VWA8: variants seen among roughly 807,000 people sequenced by gnomAD.
VWA8 encodes von Willebrand factor A domain-containing protein 8.
VWA8 carries 221 observed loss-of-function variants against 241.5 expected under a neutral mutation model. The ratio of observed to expected loss-of-function variants is 0.91; its 90% CI spans 0.82 to 1.02. The LOEUF is 1.02. Ranked by LOEUF, VWA8 falls within the 50% of genes least tolerant of loss-of-function variation. The pLI, the probability that VWA8 is intolerant of heterozygous loss-of-function variation, is 0.00. For missense variants in VWA8, 2,322 were observed against 2,328.7 expected (o/e 1.00, Z 0.06); for synonymous variants, 852 against 827.1 (o/e 1.03, Z -0.52).
At chr13:41,953,866 A>G (rs575392015) in intron 1 of VWA8, among the ~76,000 whole-genome samples, 2 of 152,184 alleles carry the variant, frequency 1.3e-5, no homozygotes, top group Non-Finnish European at 2.9e-5. Flanking sequence ...ATGTTTTCTT[A>G]CCACAGTGGA....
Position 41,680,782 on chromosome 13 carries a change from T to A in VWA8, c.4327+4265A>T, listed in dbSNP as rs56100366. ...AGACTCAACATATACACAAGCAGACTGGTGCAAGGCTATTCATAGCACCAT... is the reference window on the plus strand; with the variant it reads ...AGACTCAACATATACACAAGCAGACAGGTGCAAGGCTATTCATAGCACCAT... On this transcript the variant is annotated intron_variant, in intron 35 of 44. Transcript: ENST00000379310. Among the ~76,000 whole-genome samples the A allele has an allele frequency of 4.8e-3, 735 of 152,312 alleles. 3 individuals are homozygous for A. The highest frequency in any genetic ancestry group is 0.015 in the South Asian group (72 of 4,830).
intron 12 of VWA8, among the ~76,000 whole-genome samples, chr13:41,846,397 G>A (rs1819543423): frequency 6.6e-6 from 1 of 152,156 alleles, no homozygotes; most frequent in Non-Finnish European, 1.5e-5. Context: ...AAGTGAGGAA[G>A]GCTGGGATTC....
At chr13:41,767,137 G>A (rs2045784343) in intron 20 of VWA8, among the ~76,000 whole-genome samples, 1 of 152,036 alleles carries the variant, frequency 6.6e-6, no homozygotes. Context: ...AGTTCAGTTT[G>A]TATAATAGAG....
chr13:41,751,893 C>T (rs1249090866), intron 21 of VWA8, among the ~76,000 whole-genome samples: 2 of 152,148 alleles, frequency 1.3e-5, no homozygotes, highest in Non-Finnish European at 2.9e-5. Context: ...TGACTGACCA[C>T]AGGGGAGCTT....
At chr13:41,846,412 C>G (rs933108661) in intron 12 of VWA8, among the ~76,000 whole-genome samples, 27 of 152,182 alleles carry the variant, frequency 1.8e-4, no homozygotes, top group African/African-American at 6.3e-4. Context: ...GGATTCAATT[C>G]CACTTCTGCA....
chr13:41,741,446 T>C (rs1312494122), intron 21 of VWA8, among the ~76,000 whole-genome samples: 1 of 152,216 alleles, frequency 6.6e-6, no homozygotes, highest in Non-Finnish European at 1.5e-5. Flanking sequence ...AAATCTCACC[T>C]CCTCTTAGAA....
At chr13:41,682,266 G>C (rs1340717109) in intron 35 of VWA8, among the ~76,000 whole-genome samples, 1 of 152,132 alleles carries the variant, frequency 6.6e-6, no homozygotes, top group East Asian at 1.9e-4. Context: ...GTGCAAAAGA[G>C]AAACGACAGG....
At chr13:41,818,698 T>C (rs77749681) in intron 15 of VWA8, among the ~76,000 whole-genome samples, 1 of 152,310 alleles carries the variant, frequency 6.6e-6, no homozygotes, top group East Asian at 1.9e-4. Context: ...CACACACTAG[T>C]TGTCATCAAA....
chr13:41,839,026 T>C (rs1871871808), intron 12 of VWA8, among the ~76,000 whole-genome samples: 1 of 152,244 alleles, frequency 6.6e-6, no homozygotes, highest in Non-Finnish European at 1.5e-5. Flanking sequence ...ATGGGATTGC[T>C]GGGTCAAATG....
At chr13:41,573,722 G>T (rs2044331110) in intron 43 of VWA8, among the ~76,000 whole-genome samples, 1 of 151,122 alleles carries the variant, frequency 6.6e-6, no homozygotes, top group Non-Finnish European at 1.5e-5. Flanking sequence ...GGTTCGGGCG[G>T]TTCTCCTGCC....
Position 41,949,995 on chromosome 13 carries a change from C to T in VWA8, c.182G>A (p.Gly61Glu). The T allele has an allele frequency of 6.3e-7, 1 of 1,588,060 alleles. No homozygotes were observed. Among genetic ancestry groups the T allele is most frequent in the Non-Finnish European group, 8.6e-7 (1 of 1,163,738 alleles). Residue 61 changes from glycine (G) to glutamate (E), a missense_variant, in exon 2 of 45, where the codon GGA becomes GAA. Physicochemically the swap from Gly to Glu is moderately conservative, Grantham distance 98 (BLOSUM62 -2). Transcript: ENST00000379310. ...GADTGDTVNIGDVSYKLKIPK... is the reference protein window; with the variant it reads ...GADTGDTVNIEDVSYKLKIPK... ...AATTTTCAACTTGTAGGATACATCTCCAATATTAACTGTATCACCTAAAAA... is the reference window on the plus strand; with the variant it reads ...AATTTTCAACTTGTAGGATACATCTTCAATATTAACTGTATCACCTAAAAA...
At chr13:41,689,607 A>G (rs2137815631) in intron 33 of VWA8, 99 bp from the exon 34 acceptor site, 2 of 1,192,080 alleles carry the variant, frequency 1.7e-6, no homozygotes, top group East Asian at 2.7e-5. Flanking sequence ...GGAAAAGAAC[A>G]AGTTAAAAAA....
At chr13:41,784,670 C>T (rs1299103479) in intron 18 of VWA8, among the ~76,000 whole-genome samples, 1 of 109,786 alleles carries the variant, frequency 9.1e-6, no homozygotes, top group African/African-American at 3.0e-5. Context: ...CTCTCTCTCT[C>T]TCTCTCTCTT....
At chr13:41,625,880 CACCATGGAAT>C (rs1040000834) in intron 37 of VWA8, among the ~76,000 whole-genome samples, 6 of 151,822 alleles carry the variant, frequency 4.0e-5, no homozygotes, top group Non-Finnish European at 7.4e-5. Flanking sequence ...GGCACATATA[CACCATGGAAT>C]ACTATGCAGC....
At chr13:41,571,549 C>G (rs1413521631) in intron 43 of VWA8, among the ~76,000 whole-genome samples, 1 of 152,174 alleles carries the variant, frequency 6.6e-6, no homozygotes, top group African/African-American at 2.4e-5. Flanking sequence ...GGGGTTTCGC[C>G]GTGTTGGCCG....
chr13:41,590,854 C>T, intron 40 of VWA8, 89 bp from the exon 41 acceptor site: 1 of 1,527,114 alleles, frequency 6.5e-7, no homozygotes, highest in Non-Finnish European at 8.9e-7. Context: ...GGAAACACAC[C>T]TGGGATCTTT....
At chr13:41,610,860 T>C (rs1176952326) in intron 39 of VWA8, among the ~76,000 whole-genome samples, 1 of 152,150 alleles carries the variant, frequency 6.6e-6, no homozygotes. Flanking sequence ...ATGGCTCCTA[T>C]TGTAGTGGCC....
chr13:41,806,438 T>G (rs1389346549), intron 17 of VWA8, among the ~76,000 whole-genome samples: 1 of 152,196 alleles, frequency 6.6e-6, no homozygotes, highest in Non-Finnish European at 1.5e-5. Flanking sequence ...GCGCAGTGGC[T>G]CACGCCTGTA....
intron 37 of VWA8, among the ~76,000 whole-genome samples, chr13:41,629,932 A>G (rs1016188310): frequency 1.3e-5 from 2 of 152,246 alleles, no homozygotes; most frequent in African/African-American, 4.8e-5. Flanking sequence ...CTTAAAAAGC[A>G]GAAAAGCATC....
Sources: gnomAD v4.1 joint callset for allele counts (sites outside exome capture counted in the v4.1 genomes callset) on GRCh38, gnomAD v4.1.1 for gene constraint, MANE v1.5 for transcripts, NCBI Gene and HGNC (gene_info 2026-07-23, HGNC 2026-07-21) for gene names.